The following ACAA2 variants were observed in gnomAD, a reference collection of about 807,000 sequenced individuals.
ACAA2 encodes the protein acetyl-CoA acyltransferase 2, also known as 3-ketoacyl-CoA thiolase, mitochondrial.
Under a neutral mutation model 44.8 loss-of-function variants are expected in ACAA2, and 35 were observed. The observed-to-expected ratio is 0.78, with a 90% CI of 0.60 to 1.04. ACAA2 has a LOEUF of 1.04. Ranked by LOEUF, ACAA2 falls within the 50% of genes least tolerant of loss-of-function variation. ACAA2 has a pLI of 0.00. For missense variants in ACAA2, 468 were observed against 482.6 expected, an observed-to-expected ratio of 0.97 and a Z score of 0.28; for synonymous variants, 142 against 166.5, an observed-to-expected ratio of 0.85 and a Z score of 1.13.
intron 1 of ACAA2, among the ~76,000 whole-genome samples, chr18:49,809,086 T>C (rs1434383825): frequency 6.6e-6 from 1 of 152,210 alleles, no homozygotes; most frequent in African/African-American, 2.4e-5. Context: ...AAGAATTTAG[T>C]GATATCTCTC....
chr18:49,804,623 T>C (rs1238636938), intron 1 of ACAA2, among the ~76,000 whole-genome samples: 1 of 152,204 alleles, frequency 6.6e-6, no homozygotes, highest in Non-Finnish European at 1.5e-5. Flanking sequence ...ATGTGTCCCT[T>C]AGAATATAAG....
chr18:49,796,186 T>A (rs2023463050), intron 3 of ACAA2, among the ~76,000 whole-genome samples: 2 of 152,152 alleles, frequency 1.3e-5, no homozygotes, highest in South Asian at 4.1e-4. Context: ...CAGATATTAA[T>A]ACCTGGCATA....
intron 1 of ACAA2, among the ~76,000 whole-genome samples, chr18:49,803,239 AAATAAT>A (rs10639158): frequency 0.019 from 2,749 of 142,368 alleles, 84 homozygotes; most frequent in African/African-American, 0.065. Flanking sequence ...CTGGTAGTTA[AAATAAT>A]AATAATAATA....
chr18:49,811,014 T>C (rs1415900937), intron 1 of ACAA2, among the ~76,000 whole-genome samples: 1 of 117,224 alleles, frequency 8.5e-6, no homozygotes, highest in Non-Finnish European at 1.9e-5. Context: ...ACCATGTCAA[T>C]TTTCATTTGA....
intron 1 of ACAA2, among the ~76,000 whole-genome samples, chr18:49,805,855 T>A (rs145687430): frequency 0.017 from 2,624 of 152,078 alleles, 34 homozygotes; most frequent in Middle Eastern, 0.027. Context: ...CCTCCCAAAC[T>A]GCTAGGATTA....
chr18:49,789,184 C>T (rs547595912), intron 7 of ACAA2, among the ~76,000 whole-genome samples: 19 of 152,004 alleles, frequency 1.2e-4, no homozygotes, highest in South Asian at 1.0e-3. Flanking sequence ...TGGCTTTCCC[C>T]GTTTTTTTTT....
intron 8 of ACAA2, 184 bp from the exon 9 acceptor site, chr18:49,785,535 A>T: frequency 1.6e-6 from 1 of 609,626 alleles, no homozygotes; most frequent in Non-Finnish European, 2.8e-6. Context: ...TATATTTACT[A>T]AATAATACTT....
intron 4 of ACAA2, 147 bp from the exon 5 acceptor site, chr18:49,794,574 A>G (rs1203871813): frequency 4.7e-6 from 3 of 631,740 alleles, no homozygotes; most frequent in African/African-American, 1.9e-5. Flanking sequence ...CAGTTATGGG[A>G]TATTTTTTAA....
rs553645677 is a variant in ACAA2, at chr18:49,787,368, A to G, written c.884-7T>C. 14 of 1,399,954 alleles carry G rather than the reference A, an allele frequency of 1.0e-5. No individual in the cohort carries two copies. The South Asian group carries it at 2.1e-4, about 21-fold the overall frequency. 86.7% of individuals were successfully genotyped at this position (1,399,954 alleles called of 1,614,324 possible). A position where few individuals can be genotyped will look rare whatever the true frequency, so the allele number is the denominator to read the frequency against. ...CTGATAGCAGGGACAGGACCTATAT[A>G]ATAATAAAAATCTTCTATAAAAATA... On this transcript the variant is annotated splice_region_variant and splice_polypyrimidine_tract_variant and intron_variant, in intron 7 of 9. Transcript: ENST00000285093.
intron 5 of ACAA2, among the ~76,000 whole-genome samples, chr18:49,793,809 T>A (rs1191644944): frequency 6.6e-6 from 1 of 152,184 alleles, no homozygotes; most frequent in Non-Finnish European, 1.5e-5. Context: ...AGTCTCTGAG[T>A]TAGGTACAAT....
Position 49,800,991 on chromosome 18 carries a change from C to T in ACAA2, c.183+1696G>A, listed in dbSNP as rs191705589. 8.4e-3 allele frequency among the ~76,000 whole-genome samples: 1,274 copies of T among 151,606 alleles called. 6 individuals are homozygous for T. The highest frequency in any genetic ancestry group is 0.013 in the Non-Finnish European group (876 of 67,960). ...AGGAATAAGACAAAGATATCCATTT[C>T]TTATAACTTCTATTCAACATTGGAG... On this transcript the variant is annotated intron_variant, in intron 2 of 9. Coordinates refer to ENST00000285093, the MANE Select transcript of ACAA2 (RefSeq NM_006111.3).
In ACAA2 at chr18:49,797,503, C is replaced by G. The variant is rs375639810; in HGVS notation, c.275G>C (p.Cys92Ser). The change falls in exon 3 of 10, where the codon TGT becomes TCT. Residue 92 changes from cysteine (C) to serine (S), a missense_variant. Coordinates refer to ENST00000285093, the MANE Select transcript of ACAA2 (RefSeq NM_006111.3). ...CACAATGGACTGAAAACCAGAACCACAGAGCCTATTAATCGTGAGAGCTGG... is the reference window on the plus strand; with the variant it reads ...CACAATGGACTGAAAACCAGAACCAGAGAGCCTATTAATCGTGAGAGCTGG... ...ETPALTINRL[C>S]GSGFQSIVNG... 6.2e-7 allele frequency: 1 copy of G among 1,611,946 alleles called. No homozygotes were observed. Among genetic ancestry groups the G allele is most frequent in the Non-Finnish European group, 8.5e-7 (1 of 1,179,742 alleles).
intron 7 of ACAA2, among the ~76,000 whole-genome samples, chr18:49,787,847 G>A (rs977797943): frequency 2.6e-5 from 4 of 152,156 alleles, no homozygotes; most frequent in South Asian, 2.1e-4. Flanking sequence ...CAGACTGAGT[G>A]CTCTACTTGG....
At chr18:49,800,072 C>A (rs537902046) in intron 2 of ACAA2, among the ~76,000 whole-genome samples, 10 of 150,986 alleles carry the variant, frequency 6.6e-5, no homozygotes, top group Non-Finnish European at 8.9e-5. Context: ...CCACGCCATC[C>A]GGGAGGGAGG....
intron 7 of ACAA2, among the ~76,000 whole-genome samples, chr18:49,791,202 A>C (rs1361474315): frequency 6.6e-6 from 1 of 152,224 alleles, no homozygotes; most frequent in African/African-American, 2.4e-5. Flanking sequence ...CTCTCAAAGG[A>C]ACAATAAGAT....
intron 2 of ACAA2, among the ~76,000 whole-genome samples, chr18:49,801,943 C>T (rs2023554896): frequency 6.6e-6 from 1 of 151,856 alleles, no homozygotes; most frequent in Admixed American, 6.6e-5. Context: ...TTTTCAATTA[C>T]CTGCATATGA....
chr18:49,802,004 C>T (rs1316699925), intron 2 of ACAA2, among the ~76,000 whole-genome samples: 3 of 151,988 alleles, frequency 2.0e-5, no homozygotes, highest in Non-Finnish European at 4.4e-5. Flanking sequence ...AAGGAAGCAT[C>T]TTATTTCTTA....
chr18:49,787,142 G>T, intron 8 of ACAA2, 149 bp downstream of exon 8: 1 of 524,936 alleles, frequency 1.9e-6, no homozygotes. Context: ...ATCTAATGAA[G>T]GTACTATTTA....
At chr18:49,806,574 A>G (rs901423948) in intron 1 of ACAA2, among the ~76,000 whole-genome samples, 4 of 152,234 alleles carry the variant, frequency 2.6e-5, no homozygotes, top group African/African-American at 7.2e-5. Flanking sequence ...AGTCTCCACA[A>G]TGTTCCATCT....
Sources: gnomAD v4.1 joint callset for allele counts (sites outside exome capture counted in the v4.1 genomes callset) on GRCh38, gnomAD v4.1.1 for gene constraint, MANE v1.5 for transcripts, NCBI Gene and HGNC (gene_info 2026-07-23, HGNC 2026-07-21) for gene names.